The following SPATA7 variants were observed in gnomAD, a reference collection of about 807,000 sequenced individuals.
SPATA7 encodes the protein spermatogenesis-associated protein 7.
In SPATA7, 43 loss-of-function variants were observed where a neutral mutation model predicts 51.8. That is an observed-to-expected ratio of 0.83 (90% CI 0.65 to 1.07). The LOEUF is 1.07. Ranked by LOEUF, SPATA7 falls within the 50% of genes least tolerant of loss-of-function variation. The pLI, the probability that SPATA7 is intolerant of heterozygous loss-of-function variation, is 0.00. For synonymous variants in SPATA7, 230 were observed against 252.8 expected, an observed-to-expected ratio of 0.91 and a Z score of 0.86; for missense variants, 683 against 701.3, an observed-to-expected ratio of 0.97 and a Z score of 0.30.
intron 4 of SPATA7, chr14:88,467,677 A>G (rs537480511): frequency 1.2e-5 from 2 of 160,726 alleles, no homozygotes; most frequent in East Asian, 3.8e-4. Flanking sequence ...GGAGCAACTC[A>G]TATCTGTGGA....
chr14:88,456,801 T>A (rs2077286850), downstream of SPATA7, among the ~76,000 whole-genome samples: 1 of 152,222 alleles, frequency 6.6e-6, no homozygotes, highest in Non-Finnish European at 1.5e-5. Context: ...TCCTTGCCCA[T>A]ACCTATGTCC....
At chr14:88,462,532 G>C (rs1283955810) in intron 4 of SPATA7, among the ~76,000 whole-genome samples, 2 of 152,196 alleles carry the variant, frequency 1.3e-5, no homozygotes, top group Non-Finnish European at 2.9e-5. Context: ...TTAAATGTCA[G>C]TGGTTTCACA....
Position 88,451,181 on chromosome 14 carries a change from C to T in SPATA7, c.178-3879C>T, listed in dbSNP as rs192801737. On this transcript the variant is annotated intron_variant, in intron 3 of 3. Coordinates refer to the SPATA7 transcript ENST00000554802. ...TGTGCTTTTTGTTTTGTTTTTGTTTCGTTTTGAGATGGAGATTCACTCTTG... is the reference window on the plus strand; with the variant it reads ...TGTGCTTTTTGTTTTGTTTTTGTTTTGTTTTGAGATGGAGATTCACTCTTG... Among the ~76,000 whole-genome samples, 27 of 152,070 alleles carry T rather than the reference C, an allele frequency of 1.8e-4. No individual in the cohort carries two copies. The East Asian group carries it at 3.1e-3, about 17-fold the overall frequency.
At position 88,386,118 on chromosome 14, in the gene SPATA7, G is replaced by C. The variant is rs896552679; in HGVS notation, c.19+281G>C. 2.2e-5 allele frequency: 26 copies of C among 1,163,842 alleles called. No individual in the cohort carries two copies. In the African/African-American group the frequency reaches 4.0e-4, roughly 18 times the overall value. 72.1% of individuals were successfully genotyped at this position (1,163,842 alleles called of 1,614,324 possible). ...GGGTCGTGCAGCCTTTAAAACCTCAGTAGCTCCCAGGCAGAGGAACCAGGT... is the reference window on the plus strand; with the variant it reads ...GGGTCGTGCAGCCTTTAAAACCTCACTAGCTCCCAGGCAGAGGAACCAGGT... On this transcript the variant is annotated intron_variant, in intron 1 of 11. Transcript: ENST00000393545.
intron 4 of SPATA7, among the ~76,000 whole-genome samples, chr14:88,462,728 G>C (rs1371276333): frequency 1.3e-5 from 2 of 152,224 alleles, no homozygotes; most frequent in East Asian, 3.9e-4. Context: ...GCGTTTATTT[G>C]ACACACCACA....
At chr14:88,460,146 T>C (rs900888230), downstream of SPATA7, among the ~76,000 whole-genome samples, 2 of 152,224 alleles carry the variant, frequency 1.3e-5, no homozygotes, top group Non-Finnish European at 2.9e-5. Flanking sequence ...TTAACATTTT[T>C]TCCTTCATTT....
chr14:88,468,365 G>A, intron 4 of SPATA7: 2 of 1,173,532 alleles, frequency 1.7e-6, no homozygotes, highest in South Asian at 3.2e-5. Context: ...GTTGGGAGAT[G>A]GACAGTCTCT....
At chr14:88,466,632 G>C (rs17124714) in intron 4 of SPATA7, 4,675 of 152,260 alleles carry the variant, frequency 0.031, 257 homozygotes, top group East Asian at 0.28. Flanking sequence ...CCTACTCAGC[G>C]GTCACTGTGA....
chr14:88,463,228 A>G (rs531118811), intron 4 of SPATA7, among the ~76,000 whole-genome samples: 2 of 152,244 alleles, frequency 1.3e-5, no homozygotes, highest in East Asian at 1.9e-4. Flanking sequence ...ATAAGTGGCA[A>G]CAGGAAAGGT....
chr14:88,469,539 C>A lies in SPATA7; in HGVS notation c.255-308C>A, dbSNP rs2077422769. 1 of 1,614,156 alleles carries A rather than the reference C, an allele frequency of 6.2e-7. No homozygotes were observed. Among genetic ancestry groups the A allele is most frequent in the Non-Finnish European group, 8.5e-7 (1 of 1,180,024 alleles). On this transcript the variant is annotated intron_variant, in intron 4 of 4. Coordinates refer to the SPATA7 transcript ENST00000556406. This position sits in a 1 kb window ranked among gnomAD's most constrained non-coding sequence, Gnocchi z 4.3. ...GGTCTTCTGGACAGCCATGTTCAGG[C>A]CAGTCTGTGTATTGGAGGTGCCAGA...
chr14:88,403,629 TA>T (rs1468317821), intron 4 of SPATA7, among the ~76,000 whole-genome samples: 1 of 152,172 alleles, frequency 6.6e-6, no homozygotes, highest in Non-Finnish European at 1.5e-5. Flanking sequence ...CTTCCACATA[TA>T]AGTGAGATCA....
chr14:88,416,646 A>C, intron 4 of SPATA7, 65 bp from the exon 5 acceptor site: 1 of 1,512,922 alleles, frequency 6.6e-7, no homozygotes, highest in African/African-American at 1.4e-5. Flanking sequence ...TTATTACTCT[A>C]ACAAGACCAA....
intron 5 of SPATA7, among the ~76,000 whole-genome samples, chr14:88,417,758 G>C (rs577218120): frequency 2.0e-5 from 3 of 152,006 alleles, no homozygotes; most frequent in African/African-American, 4.8e-5. Flanking sequence ...TAGAATTTTG[G>C]CATCTGTCCA....
Position 88,438,079 on chromosome 14 carries a change from C to T in SPATA7, c.1457C>T (p.Pro486Leu), listed in dbSNP as rs1351428348. ...CCAAAGGATGAGAACGAGATATTCC[C>T]TTCACCAACTGAATTTTTCATGCCT... ...SAPKDENEIF[P>L]SPTEFFMPIY... is the part of the protein sequence containing the mutation. The change falls in exon 12 of 12, where the codon CCT (proline) becomes CTT (leucine). Residue 486 changes from proline to leucine, a missense_variant. By Grantham distance (98) the Pro-to-Leu change is moderately conservative. Coordinates refer to ENST00000393545, the MANE Select transcript of SPATA7 (RefSeq NM_018418.5). 6.2e-7 allele frequency: 1 copy of T among 1,613,930 alleles called. No individual in the cohort carries two copies. Among genetic ancestry groups the T allele is most frequent in the East Asian group, 2.2e-5 (1 of 44,872 alleles).
chr14:88,457,699 C>T (rs1238353871), downstream of SPATA7, among the ~76,000 whole-genome samples: 1 of 152,094 alleles, frequency 6.6e-6, no homozygotes. Context: ...TCCTCTTTTC[C>T]TAATTGAATA....
At position 88,437,476 on chromosome 14, in the gene SPATA7, G is replaced by A. The variant is rs74075034; in HGVS notation, c.1161-67G>A. ...TCAACCTTTGTAGTTTCAGTGTTAC[G>A]TAGCTAGTTTATATTTAGATGATTT... On this transcript the variant is annotated intron_variant, in intron 10 of 11. Transcript: ENST00000393545. 6,719 of 1,116,088 alleles carry A rather than the reference G, an allele frequency of 6.0e-3. 278 individuals carry two copies. The African/African-American group carries it at 0.089, about 15-fold the overall frequency. The allele number at this position is 1,116,088 out of a possible 1,614,324, so 69.1% of individuals were successfully genotyped here.
intron 4 of SPATA7, among the ~76,000 whole-genome samples, chr14:88,402,337 CAATCTT>C (rs75611886): frequency 0.22 from 33,303 of 152,018 alleles, 3,899 homozygotes; most frequent in East Asian, 0.3. Flanking sequence ...ACAAATAAAA[CAATCTT>C]GAGCAAGAAA....
chr14:88,450,952 T>C (rs1281879197), intron 3 of SPATA7, among the ~76,000 whole-genome samples: 1 of 152,112 alleles, frequency 6.6e-6, no homozygotes, highest in East Asian at 1.9e-4. Flanking sequence ...GGTTTGGTCA[T>C]TTAACATAAT....
At chr14:88,452,803 C>T (rs74075353) in intron 3 of SPATA7, among the ~76,000 whole-genome samples, 5,774 of 152,246 alleles carry the variant, frequency 0.038, 358 homozygotes, top group African/African-American at 0.13. Flanking sequence ...ACAATAAAGT[C>T]CAGGACCTTT....
Sources: gnomAD v4.1 joint callset for allele counts (sites outside exome capture counted in the v4.1 genomes callset) on GRCh38, gnomAD v4.1.1 for gene constraint, Gnocchi (gnomAD v3.1) non-coding constraint, MANE v1.5 for transcripts, NCBI Gene and HGNC (gene_info 2026-07-23, HGNC 2026-07-21) for gene names.